CDH18: variants seen among roughly 807,000 people sequenced by gnomAD.
CDH18 encodes cadherin-18.
A neutral mutation model predicts 67.9 loss-of-function variants in CDH18; 31 were observed. The observed-to-expected ratio is 0.46, with a 90% CI of 0.34 to 0.62. The LOEUF (loss-of-function observed/expected upper bound fraction) is 0.62. Among genes scored for constraint, CDH18 ranks in the 20% least tolerant of loss-of-function variants. The pLI is 0.01. For synonymous variants in CDH18, 362 were observed against 347.2 expected, an observed-to-expected ratio of 1.04 and a Z score of -0.48; for missense variants, 890 against 975.5, an observed-to-expected ratio of 0.91 and a Z score of 1.17.
At chr5:20,289,717 T>G (rs192812843) in intron 1 of CDH18, among the ~76,000 whole-genome samples, 1 of 152,038 alleles carries the variant, frequency 6.6e-6, no homozygotes, top group African/African-American at 2.4e-5. Context: ...ATATTTTAAT[T>G]GCTTACATTT....
At chr5:19,598,217 C>T (rs1009034772) in intron 6 of CDH18, among the ~76,000 whole-genome samples, 4 of 152,124 alleles carry the variant, frequency 2.6e-5, no homozygotes. Flanking sequence ...AGAGTATTGT[C>T]CGTAACTTAG....
chr5:20,289,922 C>T lies in CDH18; in HGVS notation c.-579-34417G>A, dbSNP rs79379004. ...GCTGTGTCTGTTTTCATAACCTAAT[C>T]GCTTAGTTTTGTTGTTAATATCACT... On this transcript the variant is annotated intron_variant, in intron 1 of 14. Coordinates refer to the CDH18 transcript ENST00000507958. Among the ~76,000 whole-genome samples the T allele has an allele frequency of 9.2e-5, 14 of 152,086 alleles. No homozygotes were observed. The East Asian group carries it at 1.5e-3, about 17-fold the overall frequency.
intron 1 of CDH18, among the ~76,000 whole-genome samples, chr5:20,269,558 T>C (rs537051746): frequency 6.6e-6 from 1 of 152,258 alleles, no homozygotes; most frequent in South Asian, 2.1e-4. Flanking sequence ...AATAAAATCA[T>C]GTCTTTCACA....
intron 1 of CDH18, among the ~76,000 whole-genome samples, chr5:20,416,129 A>T (rs574467312): frequency 3.9e-5 from 6 of 152,300 alleles, no homozygotes; most frequent in Admixed American, 2.0e-4. Context: ...AGTAGATATC[A>T]TGTTAAGTGT....
At chr5:19,831,064 T>C (rs1035932083) in intron 3 of CDH18, among the ~76,000 whole-genome samples, 2 of 151,980 alleles carry the variant, frequency 1.3e-5, no homozygotes, top group Admixed American at 6.6e-5. Context: ...AGGATGAGGA[T>C]TGAAAAAGTA....
intron 1 of CDH18, among the ~76,000 whole-genome samples, chr5:20,449,765 C>A (rs1295388369): frequency 2.0e-5 from 3 of 151,700 alleles, no homozygotes; most frequent in African/African-American, 7.3e-5. Context: ...ATAAAGTACT[C>A]CTGTAAAGTC....
At chr5:20,104,170 G>T (rs1332185018) in intron 2 of CDH18, among the ~76,000 whole-genome samples, 5 of 151,112 alleles carry the variant, frequency 3.3e-5, no homozygotes, top group African/African-American at 1.2e-4. Flanking sequence ...TATATTGATA[G>T]ATATATTTAA....
intron 2 of CDH18, among the ~76,000 whole-genome samples, chr5:20,103,424 T>A (rs981013163): frequency 2.6e-5 from 4 of 151,840 alleles, no homozygotes. Flanking sequence ...CACTTTTAGG[T>A]GAGATATATA....
At chr5:19,584,742 G>GT (rs142122482) in intron 7 of CDH18, among the ~76,000 whole-genome samples, 7,283 of 125,492 alleles carry the variant, frequency 0.058, 507 homozygotes, top group African/African-American at 0.18. Context: ...GGGCTCAGGA[G>GT]TTAGAGACCA....
At chr5:19,968,480 G>T (rs1797696262) in intron 2 of CDH18, among the ~76,000 whole-genome samples, 1 of 151,886 alleles carries the variant, frequency 6.6e-6, no homozygotes. Flanking sequence ...GCATGGTACT[G>T]GTACCAAAAC....
intron 1 of CDH18, among the ~76,000 whole-genome samples, chr5:20,399,013 C>A (rs1275030493): frequency 1.3e-5 from 2 of 152,148 alleles, no homozygotes; most frequent in Non-Finnish European, 2.9e-5. Flanking sequence ...ATGTAACAAA[C>A]CTGCACGTTC....
intron 2 of CDH18, among the ~76,000 whole-genome samples, chr5:19,873,750 CA>C (rs1191617246): frequency 2.0e-5 from 3 of 152,094 alleles, no homozygotes; most frequent in Admixed American, 1.3e-4. Flanking sequence ...CAGGTTCAAG[CA>C]ATTCTCCTGC....
intron 1 of CDH18, among the ~76,000 whole-genome samples, chr5:20,407,733 T>TAC (rs1580929129): frequency 2.0e-5 from 3 of 151,124 alleles, no homozygotes; most frequent in East Asian, 3.9e-4. Context: ...TTTTTTTTTT[T>TAC]AAAAAACTTG....
At chr5:20,329,537 C>T (rs901471051) in intron 1 of CDH18, among the ~76,000 whole-genome samples, 7 of 151,700 alleles carry the variant, frequency 4.6e-5, no homozygotes, top group South Asian at 2.1e-4. Context: ...CCGAGGCAGG[C>T]GGATCACCTG....
intron 1 of CDH18, among the ~76,000 whole-genome samples, chr5:20,272,805 T>C (rs913619059): frequency 2.0e-5 from 3 of 152,036 alleles, no homozygotes; most frequent in African/African-American, 7.2e-5. Context: ...AAAATAATTT[T>C]GAGGATGCAA....
At chr5:20,303,365 C>G (rs1012563482) in intron 1 of CDH18, among the ~76,000 whole-genome samples, 7 of 152,146 alleles carry the variant, frequency 4.6e-5, no homozygotes, top group African/African-American at 1.4e-4. Context: ...AACACTACCT[C>G]ATGAATAGAC....
At chr5:20,450,828 T>A (rs1486461112) in intron 1 of CDH18, among the ~76,000 whole-genome samples, 1 of 152,202 alleles carries the variant, frequency 6.6e-6, no homozygotes, top group Admixed American at 6.5e-5. Flanking sequence ...GAAAGAGGTT[T>A]AATTGACTCA....
chr5:20,204,385 C>T (rs143307172), intron 2 of CDH18, among the ~76,000 whole-genome samples: 138 of 151,716 alleles, frequency 9.1e-4, no homozygotes, highest in African/African-American at 3.3e-3. Flanking sequence ...TACAAAAGTA[C>T]TGTATTCAGC....
intron 1 of CDH18, among the ~76,000 whole-genome samples, chr5:20,565,317 A>AT (rs1758439943): frequency 6.6e-6 from 1 of 152,074 alleles, no homozygotes; most frequent in Non-Finnish European, 1.5e-5. Context: ...ACTCAGTAAA[A>AT]TTTTAGTAGA....
Sources: allele counts gnomAD v4.1 joint callset (sites outside exome capture counted in the v4.1 genomes callset), GRCh38; gene constraint gnomAD v4.1.1; transcripts MANE v1.5; gene names NCBI Gene and HGNC (gene_info 2026-07-23, HGNC 2026-07-21).